Variants in PCDH9 observed in about 807,000 individuals in gnomAD.
PCDH9 encodes protocadherin 9.
Under a neutral mutation model 70.6 loss-of-function variants are expected in PCDH9, and 24 were observed. That is an observed-to-expected ratio of 0.34 (90% CI 0.25 to 0.48). The LOEUF (loss-of-function observed/expected upper bound fraction) is 0.48, where lower values mean the gene tolerates loss of function less well. Ranked by LOEUF, PCDH9 falls within the 20% of genes least tolerant of loss-of-function variation. PCDH9 has a pLI of 0.99. For synonymous variants in PCDH9, 562 were observed against 558.5 expected (o/e 1.01, Z -0.09); for missense variants, 1,281 against 1,503.6 (o/e 0.85, Z 2.45).
intron 2 of PCDH9, among the ~76,000 whole-genome samples, chr13:66,950,167 A>G (rs139280644): frequency 1.5e-3 from 227 of 152,268 alleles, no homozygotes; most frequent in African/African-American, 5.3e-3. Flanking sequence ...CAGATTAGCT[A>G]CAGTTTAAGA....
intron 3 of PCDH9, among the ~76,000 whole-genome samples, chr13:66,695,944 T>C (rs1041168805): frequency 6.6e-6 from 1 of 152,138 alleles, no homozygotes; most frequent in Non-Finnish European, 1.5e-5. Context: ...AATTAGAAAA[T>C]AATTTATTTT....
At chr13:67,178,166 A>G (rs895154047) in intron 2 of PCDH9, among the ~76,000 whole-genome samples, 4 of 152,036 alleles carry the variant, frequency 2.6e-5, no homozygotes, top group Admixed American at 2.6e-4. Flanking sequence ...TACTGCTCCC[A>G]TCTCCTACCT....
chr13:66,421,839 C>T (rs905976181), intron 4 of PCDH9, among the ~76,000 whole-genome samples: 1 of 152,120 alleles, frequency 6.6e-6, no homozygotes, highest in Non-Finnish European at 1.5e-5. Flanking sequence ...AGGCTAAATG[C>T]CCCAATTAAA....
intron 3 of PCDH9, among the ~76,000 whole-genome samples, chr13:66,635,070 T>C (rs1010480601): frequency 6.6e-6 from 1 of 152,188 alleles, no homozygotes; most frequent in Non-Finnish European, 1.5e-5. Flanking sequence ...TTTTGATTCA[T>C]CTTTATGGAA....
chr13:66,818,693 G>A lies in PCDH9; in HGVS notation c.3138+84811C>T, dbSNP rs376650574. Among the ~76,000 whole-genome samples, 753 of 152,268 alleles carry A rather than the reference G, an allele frequency of 4.9e-3. 8 individuals are homozygous for A. The highest frequency in any genetic ancestry group is 0.017 in the African/African-American group (721 of 41,552). ...CACGCCTGTAGTCCCAGCACTTTGG[G>A]AGGCCGAGGCGGGCGGATCACGAGG... On this transcript the variant is annotated intron_variant, in intron 3 of 4. Transcript: ENST00000377865.
chr13:67,002,317 CTAAT>C (rs1293389762), intron 2 of PCDH9, among the ~76,000 whole-genome samples: 1 of 151,828 alleles, frequency 6.6e-6, no homozygotes, highest in African/African-American at 2.4e-5. Flanking sequence ...CAATAACTTC[CTAAT>C]TAAACTCAAA....
chr13:66,555,492 ATT>A (rs946079695), intron 4 of PCDH9, among the ~76,000 whole-genome samples: 1 of 149,742 alleles, frequency 6.7e-6, no homozygotes, highest in Non-Finnish European at 1.5e-5. Flanking sequence ...GATTTGTGTT[ATT>A]TCTTTTAACC....
At chr13:66,878,985 G>A (rs1338962328) in intron 3 of PCDH9, among the ~76,000 whole-genome samples, 4 of 152,144 alleles carry the variant, frequency 2.6e-5, no homozygotes, top group Non-Finnish European at 2.9e-5. Flanking sequence ...TGTGAATAAC[G>A]TACGATTATG....
intron 4 of PCDH9, among the ~76,000 whole-genome samples, chr13:66,607,448 C>T (rs984557540): frequency 6.6e-6 from 1 of 151,994 alleles, no homozygotes; most frequent in Admixed American, 6.6e-5. Flanking sequence ...GTGGTAATTA[C>T]AGTCTTCTGA....
intron 4 of PCDH9, among the ~76,000 whole-genome samples, chr13:66,363,435 G>C (rs919099637): frequency 6.6e-6 from 1 of 152,054 alleles, no homozygotes; most frequent in Admixed American, 6.5e-5. Flanking sequence ...AGAACTATAC[G>C]TATCGGATTC....
intron 4 of PCDH9, among the ~76,000 whole-genome samples, chr13:66,551,726 A>T (rs375831878): frequency 1.3e-5 from 2 of 152,162 alleles, no homozygotes; most frequent in East Asian, 3.9e-4. Context: ...ATGGTCAGCT[A>T]TCAGTGTACA....
chr13:66,776,542 G>T (rs1456586147), intron 3 of PCDH9, among the ~76,000 whole-genome samples: 1 of 151,726 alleles, frequency 6.6e-6, no homozygotes, highest in Non-Finnish European at 1.5e-5. Context: ...GCTTCAAAGA[G>T]AATAAAATAC....
At chr13:66,954,552 G>A (rs149029815) in intron 2 of PCDH9, among the ~76,000 whole-genome samples, 124 of 152,288 alleles carry the variant, frequency 8.1e-4, no homozygotes, top group African/African-American at 2.8e-3. Context: ...GACTTACCAA[G>A]GGTGCTGGGT....
intron 2 of PCDH9, among the ~76,000 whole-genome samples, chr13:67,043,451 C>T (rs759243247): frequency 1.2e-4 from 18 of 151,914 alleles, no homozygotes; most frequent in East Asian, 1.9e-4. Flanking sequence ...AGGAGAAAAT[C>T]GAAAGTTTCT....
Position 66,604,604 on chromosome 13 carries a change from A to AT in PCDH9, c.3340+26605dup, listed in dbSNP as rs1182093526. Among the ~76,000 whole-genome samples, 9 of 152,134 alleles carry AT rather than the reference A, an allele frequency of 5.9e-5. No homozygotes were observed. In the East Asian group the frequency reaches 1.2e-3, roughly 20 times the overall value. ...GTGCTAATGACCACTTGAGTGATGG[A>AT]TTTTTTCCTGAGGTGATTACCAAAA... On this transcript the variant is annotated intron_variant, in intron 4 of 4. Coordinates refer to ENST00000377865, the MANE Select transcript of PCDH9 (RefSeq NM_203487.3).
Position 66,455,161 on chromosome 13 carries a change from A to G in PCDH9, c.3341-150133T>C, listed in dbSNP as rs535897286. 6.4e-4 allele frequency among the ~76,000 whole-genome samples: 97 copies of G among 152,152 alleles called. 2 individuals are homozygous for G. The South Asian group carries it at 0.019, about 31-fold the overall frequency. ...AGTTTCATAATTCAATCATAAAACA[A>G]TAAAACCTTTTTAATATTTATTTAT... is the stretch of plus-strand genomic sequence containing the variant. On this transcript the variant is annotated intron_variant, in intron 4 of 4. Transcript: ENST00000377865.
At chr13:67,175,121 AAG>A (rs949850900) in intron 2 of PCDH9, among the ~76,000 whole-genome samples, 2 of 152,008 alleles carry the variant, frequency 1.3e-5, no homozygotes, top group African/African-American at 4.8e-5. Flanking sequence ...GGGTGACAGA[AAG>A]AGATCCTGTC....
intron 2 of PCDH9, among the ~76,000 whole-genome samples, chr13:67,028,136 A>C (rs1172330385): frequency 6.7e-6 from 1 of 149,486 alleles, no homozygotes; most frequent in Non-Finnish European, 1.5e-5. Flanking sequence ...TTCTTGCGGC[A>C]CTATTCACAA....
intron 3 of PCDH9, among the ~76,000 whole-genome samples, chr13:66,870,944 T>C (rs1295262630): frequency 6.6e-6 from 1 of 152,142 alleles, no homozygotes; most frequent in African/African-American, 2.4e-5. Flanking sequence ...CACACTTATG[T>C]TTACTGCGGC....
Sources: allele counts gnomAD v4.1 joint callset (sites outside exome capture counted in the v4.1 genomes callset), GRCh38; gene constraint gnomAD v4.1.1; transcripts MANE v1.5; gene names NCBI Gene and HGNC (gene_info 2026-07-23, HGNC 2026-07-21).